NTN4: variants seen among roughly 807,000 people sequenced by gnomAD.
The protein encoded by NTN4 is netrin-4.
Under a neutral mutation model 73.6 loss-of-function variants are expected in NTN4, and 32 were observed. The ratio of observed to expected loss-of-function variants is 0.44; its 90% CI spans 0.33 to 0.58. The LOEUF is 0.58. Among genes scored for constraint, NTN4 ranks in the 20% least tolerant of loss-of-function variants. NTN4 has a pLI of 0.04. For missense variants in NTN4, 654 were observed against 798.3 expected (o/e 0.82, Z 2.18); for synonymous variants, 258 against 287.5 (o/e 0.90, Z 1.04).
At chr12:95,791,133 G>A (rs1457075004), upstream of NTN4, 2 of 152,664 alleles carry the variant, frequency 1.3e-5, no homozygotes, top group Non-Finnish European at 2.9e-5. This position sits in a 1 kb window ranked among gnomAD's most constrained non-coding sequence, Gnocchi z 4.0. Context: ...ACATTCCTAA[G>A]AGCAGTAGAC....
chr12:95,687,553 A>G (rs1264851888), intron 5 of NTN4, among the ~76,000 whole-genome samples: 6 of 151,786 alleles, frequency 4.0e-5, no homozygotes, highest in African/African-American at 1.2e-4. Flanking sequence ...GGTGCCTACC[A>G]CCATACCGGC....
At chr12:95,679,460 C>T (rs907543666) in intron 7 of NTN4, among the ~76,000 whole-genome samples, 4 of 152,160 alleles carry the variant, frequency 2.6e-5, no homozygotes, top group Non-Finnish European at 4.4e-5. Context: ...CTCTTCCAGT[C>T]TCAATTTCAA....
At chr12:95,771,083 G>A (rs1460938309) in intron 2 of NTN4, among the ~76,000 whole-genome samples, 2 of 149,252 alleles carry the variant, frequency 1.3e-5, no homozygotes, top group African/African-American at 5.0e-5. Flanking sequence ...TCCGCCTCCC[G>A]GGTTCACGCC....
intron 2 of NTN4, among the ~76,000 whole-genome samples, chr12:95,739,719 C>A (rs765501549): frequency 2.0e-5 from 3 of 152,210 alleles, no homozygotes; most frequent in East Asian, 1.9e-4. Flanking sequence ...CACACCAGTG[C>A]TAACCAAGTA....
chr12:95,767,237 C>T (rs935301518), intron 2 of NTN4, among the ~76,000 whole-genome samples: 1 of 152,134 alleles, frequency 6.6e-6, no homozygotes, highest in Non-Finnish European at 1.5e-5. Context: ...TTCCATGGAA[C>T]TCCCTGCTCT....
chr12:95,731,519 T>C (rs2078737140), intron 3 of NTN4, among the ~76,000 whole-genome samples: 1 of 152,120 alleles, frequency 6.6e-6, no homozygotes, highest in Non-Finnish European at 1.5e-5. Context: ...TGAGCCGAGA[T>C]TGCGCCACTG....
At chr12:95,721,989 G>T (rs1419598759) in intron 3 of NTN4, among the ~76,000 whole-genome samples, 1 of 151,702 alleles carries the variant, frequency 6.6e-6, no homozygotes, top group Middle Eastern at 3.2e-3. Context: ...TACATTGACT[G>T]GCCACATCTG....
chr12:95,719,933 G>A (rs1052432982), intron 3 of NTN4, among the ~76,000 whole-genome samples: 1 of 152,238 alleles, frequency 6.6e-6, no homozygotes. Flanking sequence ...CTTATTCTTT[G>A]TCTATACTTG....
At chr12:95,729,624 AGAGAGAGAGTGT>A (rs1399226609) in intron 3 of NTN4, among the ~76,000 whole-genome samples, 13 of 117,932 alleles carry the variant, frequency 1.1e-4, no homozygotes, top group African/African-American at 4.1e-4. Context: ...AGAGAGAGAG[AGAGAGAGAGTGT>A]GTGTGTGTGT....
intron 3 of NTN4, among the ~76,000 whole-genome samples, chr12:95,735,314 A>G (rs1188192606): frequency 1.3e-5 from 2 of 152,118 alleles, no homozygotes; most frequent in Non-Finnish European, 2.9e-5. Context: ...AAGTCAACAT[A>G]GTCTTGGCCA....
At chr12:95,670,953 T>TATGTATGTATG (rs1393279193) in intron 7 of NTN4, 1 of 1,948 alleles carries the variant, frequency 5.1e-4, no homozygotes, top group Non-Finnish European at 1.1e-3. Flanking sequence ...TAGTTTATTT[T>TATGTATGTATG]ATGTATGTAT....
chr12:95,758,780 G>T (rs1400446003), intron 2 of NTN4, among the ~76,000 whole-genome samples: 3 of 152,226 alleles, frequency 2.0e-5, no homozygotes, highest in East Asian at 1.9e-4. Context: ...GCCCAGGCTG[G>T]TCTCAAACTC....
At chr12:95,670,204 T>G (rs2078217021) in intron 7 of NTN4, 58 bp from the exon 8 acceptor site, 1 of 1,025,956 alleles carries the variant, frequency 9.7e-7, no homozygotes, top group South Asian at 1.5e-5. Context: ...AAAGAAAAAA[T>G]AAGAGATCAG....
At chr12:95,721,021 G>T (rs2078643915) in intron 3 of NTN4, among the ~76,000 whole-genome samples, 1 of 152,164 alleles carries the variant, frequency 6.6e-6, no homozygotes, top group Non-Finnish European at 1.5e-5. Context: ...TCGGCCCAAG[G>T]CCACAAAGCC....
At chr12:95,686,485 G>A (rs964799456) in intron 5 of NTN4, among the ~76,000 whole-genome samples, 5 of 150,156 alleles carry the variant, frequency 3.3e-5, no homozygotes, top group African/African-American at 4.9e-5. Context: ...GGGGCTGGGC[G>A]TGGTGGCTCA....
intron 7 of NTN4, among the ~76,000 whole-genome samples, chr12:95,670,772 C>A (rs1299041482): frequency 6.7e-6 from 1 of 149,134 alleles, no homozygotes; most frequent in Non-Finnish European, 1.5e-5. Context: ...GTGGAAGAGT[C>A]ACATGTGTCT....
intron 2 of NTN4, among the ~76,000 whole-genome samples, chr12:95,764,688 A>G (rs1234826484): frequency 3.3e-5 from 5 of 151,932 alleles, no homozygotes; most frequent in African/African-American, 1.2e-4. Context: ...AAAAAAAAAA[A>G]AAAAAGCTAA....
chr12:95,761,717 T>A (rs757408066), intron 2 of NTN4, among the ~76,000 whole-genome samples: 8 of 152,182 alleles, frequency 5.3e-5, no homozygotes, highest in Non-Finnish European at 8.8e-5. Context: ...CAAAACCTGG[T>A]CACACTAGGA....
chr12:95,758,685 C>G (rs1426488182), intron 2 of NTN4, among the ~76,000 whole-genome samples: 2 of 152,108 alleles, frequency 1.3e-5, no homozygotes, highest in African/African-American at 2.4e-5. Context: ...CCACCTCAGG[C>G]TCCTGAATAA....
Sources: allele counts gnomAD v4.1 joint callset (sites outside exome capture counted in the v4.1 genomes callset), GRCh38; gene constraint gnomAD v4.1.1; non-coding constraint Gnocchi (gnomAD v3.1); transcripts MANE v1.5; gene names NCBI Gene and HGNC (gene_info 2026-07-23, HGNC 2026-07-21).